The following GLIS3 variants were observed in gnomAD, a reference collection of about 807,000 sequenced individuals.
GLIS3 encodes GLIS family zinc finger 3.
A neutral mutation model predicts 78.6 loss-of-function variants in GLIS3; 53 were observed. The ratio of observed to expected loss-of-function variants is 0.67; its 90% confidence interval spans 0.54 to 0.85. The LOEUF (loss-of-function observed/expected upper bound fraction) is 0.85, where lower values mean the gene tolerates loss of function less well. GLIS3 is among the 40% of genes least tolerant of loss of function. GLIS3 has a pLI of 0.00. For synonymous variants in GLIS3, 684 were observed against 509.9 expected (o/e 1.34, Z -4.60); for missense variants, 1,703 against 1,231.1 (o/e 1.38, Z -5.74).
the GLIS3 span, among the ~76,000 whole-genome samples, chr9:4,479,216 G>A: frequency 6.6e-6 from 1 of 152,168 alleles, no homozygotes; most frequent in Non-Finnish European, 1.5e-5. Flanking sequence ...ATGAGCCACT[G>A]CACCAGGCCT....
intron 4 of GLIS3, among the ~76,000 whole-genome samples, chr9:3,955,995 T>C (rs1170905541): frequency 6.9e-6 from 1 of 144,190 alleles, no homozygotes; most frequent in Non-Finnish European, 1.5e-5. Context: ...CCCATAAGTA[T>C]TTCCTACCAC....
the GLIS3 span, among the ~76,000 whole-genome samples, chr9:4,407,497 A>G: frequency 2.0e-5 from 3 of 152,072 alleles, no homozygotes; most frequent in Non-Finnish European, 2.9e-5. Flanking sequence ...TACAAAAACA[A>G]TTAGCCGGGC....
In GLIS3 at chr9:4,337,516, G is replaced by T. The variant is rs192098722; in HGVS notation, n.264+9565C>A. ...TTGCAATGATTCTGAACATTTCTAT[G>T]TACTCTACAATGATGTATATTTCCT... On this transcript the variant is annotated intron_variant and non_coding_transcript_variant, in intron 2 of 4. Transcript: ENST00000471664. 3.3e-5 allele frequency among the ~76,000 whole-genome samples: 5 copies of T among 152,254 alleles called. No homozygotes were observed. In the South Asian group the frequency reaches 6.2e-4, roughly 19 times the overall value.
At chr9:4,172,101 G>T (rs186304900) in intron 2 of GLIS3, among the ~76,000 whole-genome samples, 1 of 152,090 alleles carries the variant, frequency 6.6e-6, no homozygotes, top group African/African-American at 2.4e-5. Flanking sequence ...GAGAAATGAA[G>T]TTTAGCTCTG....
chr9:4,403,067 A>G, the GLIS3 span, among the ~76,000 whole-genome samples: 1 of 152,228 alleles, frequency 6.6e-6, no homozygotes, highest in Non-Finnish European at 1.5e-5. Flanking sequence ...TCCTAAAAGC[A>G]GCAAGAGAAA....
intron 2 of GLIS3, among the ~76,000 whole-genome samples, chr9:4,223,957 T>C (rs181424474): frequency 5.3e-5 from 8 of 151,308 alleles, no homozygotes; most frequent in Admixed American, 4.0e-4. Context: ...ACGGGGAAAA[T>C]GCCATCAAAT....
chr9:4,235,724 A>T (rs959579628), intron 2 of GLIS3, among the ~76,000 whole-genome samples: 1 of 152,158 alleles, frequency 6.6e-6, no homozygotes, highest in African/African-American at 2.4e-5. Flanking sequence ...TAGAAAAAAA[A>T]ATCTGTTATC....
chr9:4,407,516 G>A, the GLIS3 span, among the ~76,000 whole-genome samples: 518 of 152,196 alleles, frequency 3.4e-3, 2 homozygotes, highest in African/African-American at 0.012. Flanking sequence ...GCGTGGTGGC[G>A]GGCGCCTGTA....
chr9:3,861,602 C>A (rs755884012), intron 8 of GLIS3, among the ~76,000 whole-genome samples: 9 of 152,014 alleles, frequency 5.9e-5, no homozygotes, highest in Admixed American at 5.9e-4. Flanking sequence ...ATACTATGCA[C>A]CCATAAAAAG....
At chr9:4,329,533 A>G (rs868637227) in intron 2 of GLIS3, among the ~76,000 whole-genome samples, 2 of 152,182 alleles carry the variant, frequency 1.3e-5, no homozygotes, top group Non-Finnish European at 2.9e-5. Context: ...CACCCTCACC[A>G]GAGAAGTCAA....
At chr9:4,027,159 C>T (rs953378368) in intron 4 of GLIS3, among the ~76,000 whole-genome samples, 1 of 152,226 alleles carries the variant, frequency 6.6e-6, no homozygotes, top group Non-Finnish European at 1.5e-5. Flanking sequence ...CAGTAGTTAA[C>T]AATCCACTGG....
At chr9:4,399,493 G>C in the GLIS3 span, among the ~76,000 whole-genome samples, 11 of 152,186 alleles carry the variant, frequency 7.2e-5, no homozygotes, top group African/African-American at 2.7e-4. Flanking sequence ...AGGTCTCATA[G>C]CTGGCCAGGA....
the GLIS3 span, among the ~76,000 whole-genome samples, chr9:4,472,264 C>T: frequency 6.6e-6 from 1 of 152,170 alleles, no homozygotes; most frequent in Non-Finnish European, 1.5e-5. Context: ...TGGGTACATA[C>T]CCAAAGGATT....
At chr9:3,984,633 G>C (rs918647263) in intron 4 of GLIS3, among the ~76,000 whole-genome samples, 10 of 152,184 alleles carry the variant, frequency 6.6e-5, no homozygotes, top group African/African-American at 2.4e-4. Context: ...GTTGAAATGA[G>C]TTAAGACTTT....
At chr9:4,129,884 T>C (rs935961374) in intron 2 of GLIS3, among the ~76,000 whole-genome samples, 3 of 152,176 alleles carry the variant, frequency 2.0e-5, no homozygotes, top group Non-Finnish European at 4.4e-5. Context: ...TGGAACTTCC[T>C]AGAGACTGCC....
intron 2 of GLIS3, among the ~76,000 whole-genome samples, chr9:4,235,814 G>A (rs1422044619): frequency 3.9e-5 from 6 of 152,138 alleles, no homozygotes; most frequent in Non-Finnish European, 2.9e-5. Flanking sequence ...GTGCTCTGGT[G>A]AAAACTGATT....
chr9:4,255,495 C>T (rs548992962), intron 2 of GLIS3, among the ~76,000 whole-genome samples: 3 of 152,224 alleles, frequency 2.0e-5, no homozygotes, highest in African/African-American at 4.8e-5. Flanking sequence ...AATGGATAAA[C>T]AGTCGTATAT....
chr9:3,990,211 T>C (rs1321354870), intron 4 of GLIS3, among the ~76,000 whole-genome samples: 1 of 152,188 alleles, frequency 6.6e-6, no homozygotes, highest in East Asian at 1.9e-4. Context: ...TCATTCTTCA[T>C]CATTCCATTA....
At chr9:4,331,693 G>A (rs1186069381) in intron 2 of GLIS3, among the ~76,000 whole-genome samples, 2 of 152,102 alleles carry the variant, frequency 1.3e-5, no homozygotes, top group East Asian at 3.8e-4. Context: ...TATGATGAAG[G>A]CAGGCACTGG....
Sources: gnomAD v4.1 joint callset for allele counts (sites outside exome capture counted in the v4.1 genomes callset) on GRCh38, gnomAD v4.1.1 for gene constraint, MANE v1.5 for transcripts, NCBI Gene and HGNC (gene_info 2026-07-23, HGNC 2026-07-21) for gene names.